CCDC60: variants seen among roughly 807,000 people sequenced by gnomAD.
CCDC60 encodes coiled-coil domain-containing protein 60.
Under a neutral mutation model 63.5 loss-of-function variants are expected in CCDC60, and 54 were observed. The ratio of observed to expected loss-of-function variants is 0.85; its 90% CI spans 0.68 to 1.07. The LOEUF (loss-of-function observed/expected upper bound fraction) is 1.07. CCDC60 is among the 50% of genes least tolerant of loss of function. The pLI, the probability that CCDC60 is intolerant of heterozygous loss-of-function variation, is 0.00. For missense variants in CCDC60, 651 were observed against 684.3 expected, an observed-to-expected ratio of 0.95 and a Z score of 0.54; for synonymous variants, 206 against 238.8, an observed-to-expected ratio of 0.86 and a Z score of 1.27.
chr12:119,360,181 C>G (rs1203140528), intron 1 of CCDC60, among the ~76,000 whole-genome samples: 1 of 150,112 alleles, frequency 6.7e-6, no homozygotes, highest in Non-Finnish European at 1.5e-5. Flanking sequence ...CCCCCACCTC[C>G]CTCCCGGACA....
chr12:119,435,144 G>A (rs1950301886), intron 2 of CCDC60, among the ~76,000 whole-genome samples: 1 of 152,124 alleles, frequency 6.6e-6, no homozygotes, highest in African/African-American at 2.4e-5. Flanking sequence ...ATTCTACAAT[G>A]ACCTGTTTCC....
Position 119,537,439 on chromosome 12 carries a change from C to T in CCDC60, c.1552-3175C>T, listed in dbSNP as rs577797912. Among the ~76,000 whole-genome samples the T allele has an allele frequency of 5.9e-5, 9 of 152,328 alleles. No homozygotes were observed. The East Asian group carries it at 9.7e-4, about 16-fold the overall frequency. On this transcript the variant is annotated intron_variant, in intron 13 of 13. Coordinates refer to ENST00000327554, the MANE Select transcript of CCDC60 (RefSeq NM_178499.5). Reference sequence around the variant, plus strand: ...AGCTCGTCAAAGTCATTCTCCATCCCGCTTTGTTCCATTGCTGGCAAGGAG... The same window carrying T: ...AGCTCGTCAAAGTCATTCTCCATCCTGCTTTGTTCCATTGCTGGCAAGGAG...
At chr12:119,365,592 G>A (rs1046939690) in intron 1 of CCDC60, among the ~76,000 whole-genome samples, 3 of 152,196 alleles carry the variant, frequency 2.0e-5, no homozygotes, top group African/African-American at 4.8e-5. Context: ...ACCAAGAGGT[G>A]TTTACTGACT....
At chr12:119,491,905 C>T (rs1436105810) in intron 5 of CCDC60, among the ~76,000 whole-genome samples, 1 of 152,074 alleles carries the variant, frequency 6.6e-6, no homozygotes, top group Non-Finnish European at 1.5e-5. Context: ...AGAAAAAGGG[C>T]CATGTTTCTT....
chr12:119,421,102 C>T (rs1160708042), intron 1 of CCDC60, among the ~76,000 whole-genome samples: 2 of 152,282 alleles, frequency 1.3e-5, no homozygotes, highest in African/African-American at 2.4e-5. Flanking sequence ...TCAGCCCGGG[C>T]ACATTTAACA....
intron 11 of CCDC60, among the ~76,000 whole-genome samples, chr12:119,527,256 C>T (rs1037249959): frequency 6.6e-6 from 1 of 151,638 alleles, no homozygotes; most frequent in African/African-American, 2.4e-5. Context: ...ACACTGGAGT[C>T]TACCTTGAGG....
chr12:119,399,861 A>G (rs1033900565), intron 1 of CCDC60, among the ~76,000 whole-genome samples: 15 of 152,152 alleles, frequency 9.9e-5, no homozygotes, highest in African/African-American at 3.6e-4. Flanking sequence ...AGCATAGTCC[A>G]CACTAAAACA....
At chr12:119,489,923 G>A (rs940064180) in intron 5 of CCDC60, among the ~76,000 whole-genome samples, 3 of 151,572 alleles carry the variant, frequency 2.0e-5, no homozygotes, top group Admixed American at 1.3e-4. Flanking sequence ...TCAGCCTCCC[G>A]AGTAGCTGGG....
intron 2 of CCDC60, among the ~76,000 whole-genome samples, chr12:119,459,075 TGA>T (rs1229980873): frequency 6.6e-6 from 1 of 152,298 alleles, no homozygotes; most frequent in East Asian, 1.9e-4. Context: ...AGAGAACTTC[TGA>T]GATTAACTGA....
intron 1 of CCDC60, among the ~76,000 whole-genome samples, chr12:119,344,099 C>T (rs577617252): frequency 3.9e-5 from 6 of 152,262 alleles, no homozygotes; most frequent in African/African-American, 1.2e-4. Context: ...AGCAGAGTTT[C>T]TCAAATTTGG....
At position 119,413,806 on chromosome 12, in the gene CCDC60, C is replaced by A. The variant is rs57618015; in HGVS notation, c.91-14877C>A. Among the ~76,000 whole-genome samples the A allele has an allele frequency of 4.3e-3, 655 of 152,250 alleles. 3 individuals are homozygous for A. Among genetic ancestry groups the A allele is most frequent in the African/African-American group, 0.014 (591 of 41,530 alleles). Reference sequence around the variant, plus strand: ...ACCTTGGGGCCTGGCTCCTCAAGCCCCTCAGAGAGCAGTCCCCACTCCATA... The same window carrying A: ...ACCTTGGGGCCTGGCTCCTCAAGCCACTCAGAGAGCAGTCCCCACTCCATA... On this transcript the variant is annotated intron_variant, in intron 1 of 13. Coordinates refer to ENST00000327554, the MANE Select transcript of CCDC60 (RefSeq NM_178499.5).
At chr12:119,501,601 G>T (rs566955035) in intron 6 of CCDC60, among the ~76,000 whole-genome samples, 2 of 152,108 alleles carry the variant, frequency 1.3e-5, no homozygotes, top group East Asian at 3.9e-4. Flanking sequence ...CTTTCATCAG[G>T]GTGCTCCTAG....
At chr12:119,356,935 C>A (rs185714183) in intron 1 of CCDC60, among the ~76,000 whole-genome samples, 1 of 152,160 alleles carries the variant, frequency 6.6e-6, no homozygotes. Context: ...GAAAAGCACA[C>A]AAATATAAGT....
chr12:119,433,437 A>G, intron 2 of CCDC60: 1 of 702,368 alleles, frequency 1.4e-6, no homozygotes, highest in East Asian at 2.7e-5. Context: ...CAAACAGAGA[A>G]GCCACAAGCA....
intron 1 of CCDC60, among the ~76,000 whole-genome samples, chr12:119,389,406 C>T (rs1424633731): frequency 6.6e-6 from 1 of 152,142 alleles, no homozygotes; most frequent in Non-Finnish European, 1.5e-5. Context: ...TGTATACCCC[C>T]AAAAGCCTAG....
At chr12:119,371,498 A>G (rs578158593) in intron 1 of CCDC60, among the ~76,000 whole-genome samples, 232 of 152,326 alleles carry the variant, frequency 1.5e-3, no homozygotes, top group African/African-American at 5.4e-3. Flanking sequence ...GCTTTGTGTC[A>G]GAAAAAAACA....
chr12:119,526,264 A>C (rs192835590), intron 11 of CCDC60, among the ~76,000 whole-genome samples: 158 of 152,334 alleles, frequency 1.0e-3, no homozygotes, highest in African/African-American at 3.7e-3. Flanking sequence ...AAATCAACTC[A>C]AGATGGATTA....
At chr12:119,453,841 G>A (rs1950677999) in intron 2 of CCDC60, among the ~76,000 whole-genome samples, 1 of 152,122 alleles carries the variant, frequency 6.6e-6, no homozygotes, top group Non-Finnish European at 1.5e-5. Context: ...AAGAGGAGGA[G>A]GAGGAGAAGG....
At chr12:119,418,467 T>A (rs1388854968) in intron 1 of CCDC60, among the ~76,000 whole-genome samples, 1 of 136,416 alleles carries the variant, frequency 7.3e-6, no homozygotes. Flanking sequence ...CAGGCTGGAG[T>A]GCAGTGGCGC....
Sources: allele counts gnomAD v4.1 joint callset (sites outside exome capture counted in the v4.1 genomes callset), GRCh38; gene constraint gnomAD v4.1.1; transcripts MANE v1.5; gene names NCBI Gene and HGNC (gene_info 2026-07-23, HGNC 2026-07-21).